PRR5: variants seen among roughly 807,000 people sequenced by gnomAD.
The protein encoded by PRR5 is proline rich 5, also known as proline-rich protein 5.
PRR5 carries 25 observed loss-of-function variants against 30.6 expected under a neutral mutation model. That is an observed-to-expected ratio of 0.82 (90% CI 0.60 to 1.14). The LOEUF (loss-of-function observed/expected upper bound fraction) is 1.14. PRR5 is among the 50% of genes most tolerant of loss of function. The pLI is 0.00. For missense variants in PRR5, 600 were observed against 547.1 expected, an observed-to-expected ratio of 1.10 and a Z score of -0.96; for synonymous variants, 286 against 247.1, an observed-to-expected ratio of 1.16 and a Z score of -1.48.
intron 1 of PRR5, among the ~76,000 whole-genome samples, chr22:44,706,258 G>GATTGATTC (rs1927181168): frequency 6.6e-6 from 1 of 152,196 alleles, no homozygotes; most frequent in South Asian, 2.1e-4. Flanking sequence ...TTGATTGATT[G>GATTGATTC]ATTGATTCAT....
chr22:44,708,038 A>C (rs931504791), intron 1 of PRR5, among the ~76,000 whole-genome samples: 15 of 152,060 alleles, frequency 9.9e-5, no homozygotes, highest in African/African-American at 3.6e-4. Flanking sequence ...TTCAGCCTAC[A>C]AATGGGGAAA....
upstream of PRR5, among the ~76,000 whole-genome samples, chr22:44,672,677 C>T (rs887577820): frequency 1.1e-4 from 16 of 152,220 alleles, no homozygotes; most frequent in African/African-American, 1.4e-4. Flanking sequence ...GACTCCCAAG[C>T]GTGGGCTACC....
At chr22:44,692,366 GGCTCCTCCTCCCGGGGCTCCTCCACCTTA>G (rs1198199592) in intron 1 of PRR5, among the ~76,000 whole-genome samples, 1 of 112,768 alleles carries the variant, frequency 8.9e-6, no homozygotes, top group African/African-American at 3.6e-5. Flanking sequence ...CTCCTCCCAG[GGCTCCTCCTCCCGGGGCTCCTCCACCTTA>G]GCTCCTCCAC....
At chr22:44,736,316 A>G (rs934221563) in intron 7 of PRR5, among the ~76,000 whole-genome samples, 3 of 152,024 alleles carry the variant, frequency 2.0e-5, no homozygotes, top group African/African-American at 7.2e-5. Context: ...CAGCCCCACA[A>G]CCTGGCCCCA....
chr22:44,677,293 G>C (rs1032905221), intron 1 of PRR5: 1 of 152,562 alleles, frequency 6.6e-6, no homozygotes, highest in African/African-American at 2.4e-5. Context: ...GGCGTGGAGA[G>C]GGGGTGCGGC....
At position 44,718,803 on chromosome 22, in the gene PRR5, A is replaced by C. The variant is rs546486195; in HGVS notation, c.215+4132A>C. On this transcript the variant is annotated intron_variant, in intron 2 of 7. Coordinates refer to ENST00000336985, the MANE Select transcript of PRR5 (RefSeq NM_181333.4). ...GGTCATTTAGATATCTTCTTTGGAG[A>C]ACTGTCTGTTCCCATCCCTTGCCCA... 6.0e-4 allele frequency among the ~76,000 whole-genome samples: 91 copies of C among 152,226 alleles called. 2 individuals carry two copies. The highest frequency in any genetic ancestry group is 1.2e-3 in the Non-Finnish European group (81 of 68,022).
intron 1 of PRR5, among the ~76,000 whole-genome samples, chr22:44,694,889 G>A (rs1281286763): frequency 6.6e-6 from 1 of 152,156 alleles, no homozygotes; most frequent in Non-Finnish European, 1.5e-5. Flanking sequence ...GACAAGCAGT[G>A]GCCAGGTGCC....
At chr22:44,686,496 C>G (rs1006894328) in intron 1 of PRR5, among the ~76,000 whole-genome samples, 1 of 151,064 alleles carries the variant, frequency 6.6e-6, no homozygotes, top group Non-Finnish European at 1.5e-5. Flanking sequence ...GCCACCACGC[C>G]TGGCTAATTT....
intron 5 of PRR5, among the ~76,000 whole-genome samples, 172 bp downstream of exon 5, chr22:44,731,993 G>A (rs1922077511): frequency 1.3e-5 from 2 of 152,208 alleles, no homozygotes; most frequent in Non-Finnish European, 2.9e-5. Context: ...CCTTCAAGCT[G>A]CAGATATGGA....
intron 7 of PRR5, among the ~76,000 whole-genome samples, chr22:44,736,071 A>C (rs1457534652): frequency 6.6e-6 from 1 of 152,098 alleles, no homozygotes; most frequent in Non-Finnish European, 1.5e-5. Context: ...TGGGAACCTG[A>C]ACCCTGCCCC....
upstream of PRR5, among the ~76,000 whole-genome samples, chr22:44,697,611 G>T (rs1352125583): frequency 6.6e-6 from 1 of 152,220 alleles, no homozygotes. Flanking sequence ...TGCCCCTCCA[G>T]AGCAGGCAGT....
At chr22:44,686,618 C>T (rs188946858) in intron 1 of PRR5, among the ~76,000 whole-genome samples, 5 of 151,950 alleles carry the variant, frequency 3.3e-5, no homozygotes, top group Admixed American at 6.6e-5. Flanking sequence ...CAGCTTCAAG[C>T]GATTCTCCTG....
Position 44,736,804 on chromosome 22 carries a change from G to T in PRR5, c.724G>T (p.Asp242Tyr). ...CCTCCTCCGCCGCTCCCGCTCGGGG[G>T]ACGTGCTGGCCAAGAACCCTGTGGT... ...KRLLRRSRSGDVLAKNPVVRS... is the reference protein window; with the variant it reads ...KRLLRRSRSGYVLAKNPVVRS... Residue 242 changes from aspartate (D) to tyrosine (Y), a missense_variant, in exon 8 of 8, where the codon GAC (aspartate) becomes TAC (tyrosine). Coordinates refer to ENST00000336985, the MANE Select transcript of PRR5 (RefSeq NM_181333.4). 2 of 1,572,118 alleles carry T rather than the reference G, an allele frequency of 1.3e-6. No homozygotes were observed. Among genetic ancestry groups the T allele is most frequent in the Non-Finnish European group, 1.7e-6 (2 of 1,152,484 alleles).
chr22:44,686,806 G>A (rs1023913433), intron 1 of PRR5, among the ~76,000 whole-genome samples: 2 of 152,176 alleles, frequency 1.3e-5, no homozygotes, highest in Non-Finnish European at 2.9e-5. Flanking sequence ...TAGAGACTGG[G>A]TTTTGCCATG....
At chr22:44,712,689 C>T (rs570659172) in intron 1 of PRR5, among the ~76,000 whole-genome samples, 1 of 152,298 alleles carries the variant, frequency 6.6e-6, no homozygotes, top group Admixed American at 6.5e-5. Context: ...GTGGCAGCTG[C>T]CTGCTTTGTG....
At chr22:44,697,611 GAGCAGGCAGTGCCTAGGAA>G (rs970543451), upstream of PRR5, among the ~76,000 whole-genome samples, 89 of 152,338 alleles carry the variant, frequency 5.8e-4, 1 homozygote, top group Middle Eastern at 6.8e-3. Context: ...TGCCCCTCCA[GAGCAGGCAGTGCCTAGGAA>G]AGCAGGCAGG....
At chr22:44,722,162 G>A (rs1930036424) in intron 2 of PRR5, among the ~76,000 whole-genome samples, 1 of 152,224 alleles carries the variant, frequency 6.6e-6, no homozygotes, top group Non-Finnish European at 1.5e-5. Context: ...AGTTGTGCAA[G>A]GGAGGAGGTT....
At chr22:44,716,561 C>T (rs1030430249) in intron 2 of PRR5, among the ~76,000 whole-genome samples, 3 of 152,146 alleles carry the variant, frequency 2.0e-5, no homozygotes, top group African/African-American at 4.8e-5. Flanking sequence ...CTCATCCACT[C>T]GTCACTGCAG....
At chr22:44,694,867 A>G (rs1189419269) in intron 1 of PRR5, among the ~76,000 whole-genome samples, 1 of 152,116 alleles carries the variant, frequency 6.6e-6, no homozygotes, top group African/African-American at 2.4e-5. Context: ...TATTGCAGCT[A>G]TCAACCTAAA....
Sources: gnomAD v4.1 joint callset for allele counts (sites outside exome capture counted in the v4.1 genomes callset) on GRCh38, gnomAD v4.1.1 for gene constraint, MANE v1.5 for transcripts, NCBI Gene and HGNC (gene_info 2026-07-23, HGNC 2026-07-21) for gene names.